AGBL4: variants seen among roughly 807,000 people sequenced by gnomAD.
The protein encoded by AGBL4 is AGBL carboxypeptidase 4.
AGBL4 carries 58 observed loss-of-function variants against 66.4 expected under a neutral mutation model. That is an observed-to-expected ratio of 0.87 (90% confidence interval 0.71 to 1.09). The LOEUF is 1.09. Among genes scored for constraint, AGBL4 ranks in the 50% least tolerant of loss-of-function variants. The pLI is 0.00. For missense variants in AGBL4, 579 were observed against 631.0 expected, an observed-to-expected ratio of 0.92 and a Z score of 0.88; for synonymous variants, 234 against 222.9, an observed-to-expected ratio of 1.05 and a Z score of -0.44.
At chr1:49,482,564 T>C (rs1324894742) in intron 3 of AGBL4, among the ~76,000 whole-genome samples, 1 of 152,036 alleles carries the variant, frequency 6.6e-6, no homozygotes, top group East Asian at 1.9e-4. Flanking sequence ...TACTTTATTT[T>C]TTTTTTAAAC....
intron 3 of AGBL4, chr1:49,469,968 G>A (rs1006850391): frequency 1.3e-5 from 2 of 151,662 alleles, no homozygotes; most frequent in African/African-American, 4.8e-5. Flanking sequence ...TGTGTCCTCG[G>A]GTAAATGATT....
intron 3 of AGBL4, among the ~76,000 whole-genome samples, chr1:49,689,388 T>C (rs1420780808): frequency 1.3e-5 from 2 of 152,268 alleles, no homozygotes. Flanking sequence ...CTGTAGATAA[T>C]ATGGATTCTT....
intron 2 of AGBL4, among the ~76,000 whole-genome samples, chr1:49,798,271 C>G (rs565057890): frequency 2.1e-4 from 32 of 152,298 alleles, no homozygotes; most frequent in African/African-American, 7.2e-4. Context: ...AAATCTGCCT[C>G]AGAGGGCTGT....
At chr1:48,757,974 T>C (rs1644034741) in intron 6 of AGBL4, among the ~76,000 whole-genome samples, 1 of 152,208 alleles carries the variant, frequency 6.6e-6, no homozygotes. Context: ...ATTCTTATAT[T>C]CTAAAAGCAT....
chr1:50,017,876 G>A (rs1481186504), intron 1 of AGBL4, among the ~76,000 whole-genome samples: 1 of 151,992 alleles, frequency 6.6e-6, no homozygotes, highest in Non-Finnish European at 1.5e-5. Flanking sequence ...TGTACCCCAT[G>A]AGCCTAAAAT....
chr1:49,980,929 G>A (rs2148384071), intron 1 of AGBL4, among the ~76,000 whole-genome samples: 1 of 152,244 alleles, frequency 6.6e-6, no homozygotes, highest in South Asian at 2.1e-4. Flanking sequence ...ACTTCTGCTA[G>A]TACCAATTTA....
At chr1:49,491,680 C>T (rs918130421) in intron 3 of AGBL4, among the ~76,000 whole-genome samples, 11 of 151,894 alleles carry the variant, frequency 7.2e-5, no homozygotes, top group African/African-American at 2.7e-4. Context: ...AGTTGACTCT[C>T]TTGTTAAAGT....
chr1:49,465,532 C>G (rs1205398768), intron 3 of AGBL4, among the ~76,000 whole-genome samples: 1 of 151,736 alleles, frequency 6.6e-6, no homozygotes, highest in Non-Finnish European at 1.5e-5. Flanking sequence ...TTATATATCC[C>G]CAGTGCCTTA....
intron 1 of AGBL4, among the ~76,000 whole-genome samples, chr1:49,942,019 AAAAT>A (rs1293012946): frequency 5.3e-5 from 8 of 152,294 alleles, no homozygotes; most frequent in South Asian, 2.1e-4. Flanking sequence ...GTAAAATGTT[AAAAT>A]AAATAATCAA....
chr1:49,744,247 G>A (rs1222324265), intron 2 of AGBL4, among the ~76,000 whole-genome samples: 1 of 151,976 alleles, frequency 6.6e-6, no homozygotes, highest in African/African-American at 2.4e-5. Flanking sequence ...GATAGTGAGT[G>A]AATTCCCATG....
At chr1:49,877,099 T>C (rs2148128416) in intron 1 of AGBL4, among the ~76,000 whole-genome samples, 1 of 151,838 alleles carries the variant, frequency 6.6e-6, no homozygotes, top group Non-Finnish European at 1.5e-5. Context: ...TCATGTCGTC[T>C]GCAAACAGGG....
At chr1:49,075,707 A>G (rs908200282) in intron 4 of AGBL4, among the ~76,000 whole-genome samples, 29 of 152,180 alleles carry the variant, frequency 1.9e-4, no homozygotes, top group Non-Finnish European at 3.8e-4. Flanking sequence ...AAACTAATGA[A>G]CTGTGTTTCC....
intron 3 of AGBL4, among the ~76,000 whole-genome samples, chr1:49,491,996 A>T (rs1647195184): frequency 6.6e-6 from 1 of 151,978 alleles, no homozygotes; most frequent in South Asian, 2.1e-4. Context: ...TAGAATAATT[A>T]TAATAAACTG....
intron 5 of AGBL4, among the ~76,000 whole-genome samples, chr1:48,900,557 C>A (rs1174159975): frequency 6.6e-6 from 1 of 152,130 alleles, no homozygotes; most frequent in East Asian, 1.9e-4. Flanking sequence ...TAAAACAGAA[C>A]AGAGTCCAGA....
chr1:48,872,877 A>G (rs1471274226), intron 5 of AGBL4, among the ~76,000 whole-genome samples: 1 of 152,162 alleles, frequency 6.6e-6, no homozygotes, highest in East Asian at 1.9e-4. Context: ...AAAGAGAAAA[A>G]GGAAGAATCA....
At chr1:49,079,729 G>C (rs1336269536) in intron 4 of AGBL4, among the ~76,000 whole-genome samples, 1 of 152,162 alleles carries the variant, frequency 6.6e-6, no homozygotes, top group Non-Finnish European at 1.5e-5. Flanking sequence ...GGTAAAAATG[G>C]TGGAATTGAG....
chr1:48,571,077 C>T (rs1033440130), intron 11 of AGBL4, among the ~76,000 whole-genome samples: 2 of 152,192 alleles, frequency 1.3e-5, no homozygotes, highest in African/African-American at 2.4e-5. Context: ...GAGCCAGTCA[C>T]GGTGTTAGGT....
chr1:49,365,313 A>C (rs72899905), intron 3 of AGBL4, among the ~76,000 whole-genome samples: 1,714 of 152,144 alleles, frequency 0.011, 31 homozygotes, highest in African/African-American at 0.039. Context: ...ATCAGTTCGA[A>C]CTTCTAGGCC....
chr1:48,940,147 G>A (rs1406270836), intron 5 of AGBL4, among the ~76,000 whole-genome samples: 1 of 152,176 alleles, frequency 6.6e-6, no homozygotes, highest in African/African-American at 2.4e-5. Context: ...AGGAAGGCCC[G>A]GGTGGGCAGA....
Sources: gnomAD v4.1 joint callset for allele counts (sites outside exome capture counted in the v4.1 genomes callset) on GRCh38, gnomAD v4.1.1 for gene constraint, MANE v1.5 for transcripts, NCBI Gene and HGNC (gene_info 2026-07-23, HGNC 2026-07-21) for gene names.